Variants in COBLL1 observed in about 807,000 individuals in gnomAD.
COBLL1 encodes the protein cordon-bleu protein-like 1.
In COBLL1, 50 loss-of-function variants were observed where a neutral mutation model predicts 94.8. The ratio of observed to expected loss-of-function variants is 0.53; its 90% confidence interval spans 0.42 to 0.67. COBLL1 has a LOEUF of 0.67. COBLL1 is among the 30% of genes least tolerant of loss of function. The pLI is 0.00. For missense variants in COBLL1, 1,362 were observed against 1,348.7 expected, an observed-to-expected ratio of 1.01 and a Z score of -0.15; for synonymous variants, 448 against 473.8, an observed-to-expected ratio of 0.95 and a Z score of 0.71.
At chr2:164,735,225 G>A (rs552596141) in intron 3 of COBLL1, among the ~76,000 whole-genome samples, 3 of 152,220 alleles carry the variant, frequency 2.0e-5, no homozygotes, top group Admixed American at 1.3e-4. Context: ...GAAAGTCAAG[G>A]GGCTCAAATG....
intron 2 of COBLL1, among the ~76,000 whole-genome samples, chr2:164,775,756 TG>T (rs1688434203): frequency 6.6e-6 from 1 of 152,248 alleles, no homozygotes; most frequent in South Asian, 2.1e-4. Flanking sequence ...ACCTGGCCCT[TG>T]GTGGTAGTCT....
chr2:164,714,780 T>C (rs2105480665), intron 7 of COBLL1, among the ~76,000 whole-genome samples: 1 of 152,300 alleles, frequency 6.6e-6, no homozygotes, highest in African/African-American at 2.4e-5. Context: ...ATAGAGAGGC[T>C]AAGTAAACTT....
At chr2:164,815,375 G>T (rs1324184812) in intron 2 of COBLL1, among the ~76,000 whole-genome samples, 2 of 149,916 alleles carry the variant, frequency 1.3e-5, no homozygotes, top group Non-Finnish European at 3.0e-5. Flanking sequence ...CTCCAGCCTG[G>T]GGGACAGAGT....
chr2:164,803,858 TAGGCAGGTAGCTACTTA>T (rs943888139), intron 2 of COBLL1, among the ~76,000 whole-genome samples: 3 of 151,934 alleles, frequency 2.0e-5, no homozygotes, highest in Non-Finnish European at 4.4e-5. Context: ...CCCAGCAGAC[TAGGCAGGTAGCTACTTA>T]AGGACACATC....
chr2:164,748,904 GAATT>G (rs1299779162), intron 2 of COBLL1, among the ~76,000 whole-genome samples: 3 of 151,956 alleles, frequency 2.0e-5, no homozygotes, highest in Admixed American at 6.6e-5. Context: ...TTAATAATGA[GAATT>G]AAGGCAAAAT....
chr2:164,747,837 T>C (rs1300969265), intron 2 of COBLL1, among the ~76,000 whole-genome samples: 1 of 152,176 alleles, frequency 6.6e-6, no homozygotes, highest in Non-Finnish European at 1.5e-5. Flanking sequence ...AATTTAATAA[T>C]GTATTTGTAA....
intron 7 of COBLL1, among the ~76,000 whole-genome samples, chr2:164,717,714 T>C (rs1248217865): frequency 6.6e-6 from 1 of 152,096 alleles, no homozygotes; most frequent in African/African-American, 2.4e-5. Flanking sequence ...CCAACATGCC[T>C]GGCTGATTTA....
At chr2:164,811,272 TA>T (rs1198759277) in intron 2 of COBLL1, among the ~76,000 whole-genome samples, 1 of 151,924 alleles carries the variant, frequency 6.6e-6, no homozygotes, top group Non-Finnish European at 1.5e-5. Context: ...AACTAAGCAA[TA>T]ATGCATGGTG....
chr2:164,702,401 A>C (rs578092664), intron 9 of COBLL1, among the ~76,000 whole-genome samples: 2 of 151,712 alleles, frequency 1.3e-5, no homozygotes, highest in African/African-American at 2.4e-5. Context: ...GTCTCTACTA[A>C]AAATACAAAA....
At chr2:164,752,123 C>A (rs1687156419) in intron 2 of COBLL1, among the ~76,000 whole-genome samples, 1 of 152,104 alleles carries the variant, frequency 6.6e-6, no homozygotes, top group Non-Finnish European at 1.5e-5. Flanking sequence ...AAACAGAACA[C>A]AAGAAAAAGT....
chr2:164,728,345 TA>T (rs1685820423), intron 4 of COBLL1, 148 bp from the exon 5 acceptor site: 4 of 584,262 alleles, frequency 6.8e-6, no homozygotes, highest in Non-Finnish European at 9.0e-6. Context: ...TCTTTTTGAT[TA>T]ATGTTACTTC....
chr2:164,823,929 GA>G (rs549030440), intron 2 of COBLL1, among the ~76,000 whole-genome samples: 1 of 152,016 alleles, frequency 6.6e-6, no homozygotes, highest in African/African-American at 2.4e-5. Context: ...GTGAAAGGTT[GA>G]AAAAAATGCA....
intron 10 of COBLL1, among the ~76,000 whole-genome samples, chr2:164,699,734 G>T (rs554287574): frequency 6.6e-6 from 1 of 152,078 alleles, no homozygotes; most frequent in South Asian, 2.1e-4. Flanking sequence ...CCATTAAAAA[G>T]AAAGAAGCTT....
At chr2:164,726,555 C>G (rs1033750350) in intron 5 of COBLL1, among the ~76,000 whole-genome samples, 2 of 151,932 alleles carry the variant, frequency 1.3e-5, no homozygotes, top group Non-Finnish European at 2.9e-5. Context: ...CCAAAGGTAA[C>G]CACTATTGAA....
intron 2 of COBLL1, among the ~76,000 whole-genome samples, chr2:164,818,307 C>CTT (rs1684924562): frequency 6.7e-6 from 1 of 148,382 alleles, no homozygotes; most frequent in Non-Finnish European, 1.5e-5. Flanking sequence ...CATATGTATA[C>CTT]ATATACACGT....
At chr2:164,832,881 T>C (rs1294010244) in intron 2 of COBLL1, among the ~76,000 whole-genome samples, 2 of 151,866 alleles carry the variant, frequency 1.3e-5, no homozygotes, top group African/African-American at 2.4e-5. Flanking sequence ...CCGTCTCTAC[T>C]AAAAATACAA....
At chr2:164,767,729 AT>A in intron 2 of COBLL1, among the ~76,000 whole-genome samples, 1 of 152,126 alleles carries the variant, frequency 6.6e-6, no homozygotes, top group South Asian at 2.1e-4. Context: ...TAATAGCATA[AT>A]TTTTTGGTTA....
chr2:164,664,041 TG>T (rs370468649), intron 2 of COBLL1, among the ~76,000 whole-genome samples: 17 of 152,356 alleles, frequency 1.1e-4, no homozygotes, highest in East Asian at 9.6e-4. Context: ...TCAGAGTTAT[TG>T]GAGACTTTAT....
intron 2 of COBLL1, among the ~76,000 whole-genome samples, chr2:164,818,767 A>C: frequency 7.7e-6 from 1 of 130,060 alleles, no homozygotes; most frequent in South Asian, 2.2e-4. Context: ...TACTTATGTA[A>C]ACATATATAT....
Sources: gnomAD v4.1 joint callset for allele counts (sites outside exome capture counted in the v4.1 genomes callset) on GRCh38, gnomAD v4.1.1 for gene constraint, MANE v1.5 for transcripts, NCBI Gene and HGNC (gene_info 2026-07-23, HGNC 2026-07-21) for gene names.